COLGALT2: variants seen among roughly 807,000 people sequenced by gnomAD.
The protein encoded by COLGALT2 is procollagen galactosyltransferase 2.
COLGALT2 carries 49 observed loss-of-function variants against 73.4 expected under a neutral mutation model. The observed-to-expected ratio is 0.67, with a 90% CI of 0.53 to 0.85. COLGALT2 has a LOEUF of 0.85. Ranked by LOEUF, COLGALT2 falls within the 40% of genes least tolerant of loss-of-function variation. The probability of loss-of-function intolerance (pLI) is 0.00; values close to 1 mark genes in which losing one functional copy is unlikely to be tolerated. For missense variants in COLGALT2, 722 were observed against 790.2 expected, an observed-to-expected ratio of 0.91 and a Z score of 1.03; for synonymous variants, 295 against 307.6, an observed-to-expected ratio of 0.96 and a Z score of 0.43.
At chr1:183,959,752 A>T (rs1670646884) in intron 6 of COLGALT2, among the ~76,000 whole-genome samples, 1 of 151,556 alleles carries the variant, frequency 6.6e-6, no homozygotes, top group East Asian at 1.9e-4. Flanking sequence ...GATTCCCATT[A>T]CTCTTGGAGT....
At position 183,991,919 on chromosome 1, in the gene COLGALT2, T is replaced by C. The variant is rs538934019; in HGVS notation, c.264-13399A>G. ...ACTGTCAGAGGGAAGGAACACCGTG[T>C]GCTCCTAACATTCCCAGGGTCTGTG... On this transcript the variant is annotated intron_variant, in intron 1 of 11. Transcript: ENST00000361927. Among the ~76,000 whole-genome samples the C allele has an allele frequency of 1.7e-4, 26 of 152,284 alleles. No homozygotes were observed. The South Asian group carries it at 1.9e-3, about 11-fold the overall frequency.
At chr1:183,967,678 T>C (rs552565208) in intron 5 of COLGALT2, among the ~76,000 whole-genome samples, 4 of 152,342 alleles carry the variant, frequency 2.6e-5, no homozygotes, top group Admixed American at 1.3e-4. Flanking sequence ...TTCGTGTAAT[T>C]GTTAATATCT....
chr1:184,036,851 C>G (rs1649696046), intron 1 of COLGALT2, among the ~76,000 whole-genome samples: 1 of 152,214 alleles, frequency 6.6e-6, no homozygotes, highest in African/African-American at 2.4e-5. Flanking sequence ...AGAGCTCCAG[C>G]GGTCCGGTTC....
intron 1 of COLGALT2, among the ~76,000 whole-genome samples, chr1:183,990,192 T>G (rs1440777166): frequency 6.6e-6 from 1 of 152,232 alleles, no homozygotes; most frequent in South Asian, 2.1e-4. Flanking sequence ...AAGAGTAAAC[T>G]TTAGGCTCAA....
intron 1 of COLGALT2, among the ~76,000 whole-genome samples, chr1:184,018,187 A>G (rs1649066503): frequency 1.3e-5 from 2 of 152,284 alleles, no homozygotes; most frequent in Middle Eastern, 3.4e-3. Context: ...TAAAAATTAT[A>G]TCTGACCAAA....
chr1:183,954,660 G>C, intron 7 of COLGALT2, 102 bp downstream of exon 7: 1 of 869,994 alleles, frequency 1.1e-6, no homozygotes, highest in Non-Finnish European at 1.9e-6. Context: ...AGCCAAGCCA[G>C]TCTTGCTGGC....
chr1:184,034,805 A>C (rs1209583197), intron 1 of COLGALT2, among the ~76,000 whole-genome samples: 1 of 152,238 alleles, frequency 6.6e-6, no homozygotes, highest in Non-Finnish European at 1.5e-5. Flanking sequence ...AATCACTTTA[A>C]ACACATTTCT....
At chr1:183,992,105 T>A (rs1246709500) in intron 1 of COLGALT2, among the ~76,000 whole-genome samples, 2 of 152,198 alleles carry the variant, frequency 1.3e-5, no homozygotes, top group African/African-American at 4.8e-5. Context: ...GACCTAGAAC[T>A]CTAGCAACAT....
At chr1:183,984,004 G>A (rs1671421673) in intron 1 of COLGALT2, among the ~76,000 whole-genome samples, 1 of 152,202 alleles carries the variant, frequency 6.6e-6, no homozygotes, top group Admixed American at 6.5e-5. Flanking sequence ...CATGTTTCCG[G>A]GAGGCTCATA....
At chr1:184,033,532 TC>T (rs1183120377) in intron 1 of COLGALT2, among the ~76,000 whole-genome samples, 1 of 152,252 alleles carries the variant, frequency 6.6e-6, no homozygotes, top group Non-Finnish European at 1.5e-5. Context: ...TAAAAAGCTT[TC>T]CTTTTTGCTT....
intron 1 of COLGALT2, among the ~76,000 whole-genome samples, chr1:184,017,012 T>C (rs926055725): frequency 6.6e-6 from 1 of 152,206 alleles, no homozygotes; most frequent in African/African-American, 2.4e-5. Context: ...TTCACTGTGT[T>C]GATGACAGTG....
chr1:183,960,086 C>T (rs535211410), intron 6 of COLGALT2, among the ~76,000 whole-genome samples: 2 of 152,330 alleles, frequency 1.3e-5, no homozygotes, highest in African/African-American at 4.8e-5. Flanking sequence ...GCATCTTGAA[C>T]AATCTGCGGG....
chr1:183,973,631 G>A lies in COLGALT2; in HGVS notation c.612C>T (p.Cys204=), dbSNP rs116153549. The A allele has an allele frequency of 3.8e-4, 616 of 1,613,878 alleles. No individual in the cohort carries two copies. The highest frequency in any genetic ancestry group is 1.6e-3 in the African/African-American group (120 of 74,984). ...ESRGLYSNFW[C]GITPKGFYKR... is the part of the protein sequence containing the mutation. ...AAAGACTTGCCTTAGGGGTGATTCCGCACCAGAAATTAGAATACAGGCCCC... is the reference window on the plus strand; with the variant it reads ...AAAGACTTGCCTTAGGGGTGATTCCACACCAGAAATTAGAATACAGGCCCC... Residue 204 remains cysteine (C), a synonymous_variant, in exon 4 of 12, where the codon TGC becomes TGT. Coordinates refer to ENST00000361927, the MANE Select transcript of COLGALT2 (RefSeq NM_015101.4).
chr1:183,969,898 C>T (rs1018676467), intron 4 of COLGALT2, among the ~76,000 whole-genome samples: 4 of 152,146 alleles, frequency 2.6e-5, no homozygotes, highest in East Asian at 1.9e-4. Context: ...AACCTTGCTG[C>T]GCTTATTTCC....
intron 1 of COLGALT2, among the ~76,000 whole-genome samples, chr1:184,001,748 G>T (rs900856940): frequency 2.0e-5 from 3 of 152,134 alleles, no homozygotes; most frequent in African/African-American, 2.4e-5. Flanking sequence ...ATTATTCTGG[G>T]TCTCTTGATT....
intron 5 of COLGALT2, 34 bp from the exon 6 acceptor site, chr1:183,964,054 C>A (rs1310831142): frequency 6.2e-7 from 1 of 1,609,890 alleles, no homozygotes; most frequent in South Asian, 1.1e-5. Context: ...AGCCAACAAT[C>A]AGAAAACATA....
chr1:183,976,884 C>T (rs777753095), intron 2 of COLGALT2, among the ~76,000 whole-genome samples: 1 of 152,064 alleles, frequency 6.6e-6, no homozygotes, highest in Non-Finnish European at 1.5e-5. Context: ...CTATAGTAGG[C>T]ATGATTTAGG....
At chr1:183,956,868 A>G (rs1670567868) in intron 6 of COLGALT2, among the ~76,000 whole-genome samples, 1 of 152,188 alleles carries the variant, frequency 6.6e-6, no homozygotes. Context: ...TGATACAGTG[A>G]GTCAGACCTA....
At chr1:184,027,922 T>C (rs1649379374) in intron 1 of COLGALT2, among the ~76,000 whole-genome samples, 1 of 152,194 alleles carries the variant, frequency 6.6e-6, no homozygotes, top group African/African-American at 2.4e-5. Flanking sequence ...CAAGAGATGG[T>C]CTGACTGTCT....
Sources: gnomAD v4.1 joint callset for allele counts (sites outside exome capture counted in the v4.1 genomes callset) on GRCh38, gnomAD v4.1.1 for gene constraint, MANE v1.5 for transcripts, NCBI Gene and HGNC (gene_info 2026-07-23, HGNC 2026-07-21) for gene names.